The following NR5A2 variants were observed in gnomAD, a reference collection of about 807,000 sequenced individuals.
NR5A2 encodes the protein CYP7A promoter-binding factor.
In NR5A2, 26 loss-of-function variants were observed where a neutral mutation model predicts 62.7. That is an observed-to-expected ratio of 0.41 (90% CI 0.30 to 0.58). The LOEUF is 0.58. Ranked by LOEUF, NR5A2 falls within the 20% of genes least tolerant of loss-of-function variation. The pLI is 0.22. For missense variants in NR5A2, 541 were observed against 669.1 expected, an observed-to-expected ratio of 0.81 and a Z score of 2.11; for synonymous variants, 246 against 241.7, an observed-to-expected ratio of 1.02 and a Z score of -0.16.
chr1:200,119,925 T>A (rs1400301479), intron 6 of NR5A2, among the ~76,000 whole-genome samples: 2 of 152,006 alleles, frequency 1.3e-5, no homozygotes, highest in Non-Finnish European at 1.5e-5. Flanking sequence ...TTTTTTTTTT[T>A]AATGAAAAGG....
chr1:200,120,378 A>G lies in NR5A2; in HGVS notation c.1231-430A>G, dbSNP rs971643911. On this transcript the variant is annotated intron_variant, in intron 6 of 7. Coordinates refer to ENST00000367362, the MANE Select transcript of NR5A2 (RefSeq NM_205860.3). ...CATGAGAGTTAAAATTTTTTATCTT[A>G]TGTGATGATGTAATTTCATAATATA... Among the ~76,000 whole-genome samples the G allele has an allele frequency of 2.2e-4, 34 of 152,158 alleles. 1 individual carries two copies. The highest frequency in any genetic ancestry group is 2.0e-3 in the Admixed American group (31 of 15,288).
chr1:200,139,737 C>T (rs1667368677), intron 7 of NR5A2, among the ~76,000 whole-genome samples: 1 of 152,128 alleles, frequency 6.6e-6, no homozygotes, highest in Non-Finnish European at 1.5e-5. Flanking sequence ...TAGAAAGTTG[C>T]CTCTTGGCAC....
At chr1:200,036,889 G>A (rs1216143758) in intron 1 of NR5A2, among the ~76,000 whole-genome samples, 1 of 152,112 alleles carries the variant, frequency 6.6e-6, no homozygotes, top group Non-Finnish European at 1.5e-5. Flanking sequence ...CAAAGGAAAG[G>A]GCTTCCCTCC....
chr1:200,175,933 A>C lies in NR5A2; in HGVS notation c.*1723A>C, dbSNP rs943252009. The C allele has an allele frequency of 6.6e-6, 1 of 152,582 alleles. No individual in the cohort carries two copies. The highest frequency in any genetic ancestry group is 2.4e-5 in the African/African-American group (1 of 41,446). 9.5% of individuals were successfully genotyped at this position (152,582 alleles called of 1,614,324 possible). On this transcript the variant is annotated 3_prime_UTR_variant, in exon 8 of 8. Coordinates refer to ENST00000367362, the MANE Select transcript of NR5A2 (RefSeq NM_205860.3). Reference sequence around the variant, plus strand: ...TATTTATATTGTATATCATACTTTCAACTGTAGACAATTATGATGCTAATT... The same window carrying C: ...TATTTATATTGTATATCATACTTTCCACTGTAGACAATTATGATGCTAATT...
chr1:200,110,310 CA>C (rs1186991120), intron 5 of NR5A2, among the ~76,000 whole-genome samples: 2 of 152,074 alleles, frequency 1.3e-5, no homozygotes, highest in Non-Finnish European at 2.9e-5. Context: ...CATCACAAAA[CA>C]AAAAGTAAAC....
chr1:200,149,393 G>T (rs1459000170), intron 7 of NR5A2, among the ~76,000 whole-genome samples: 1 of 152,234 alleles, frequency 6.6e-6, no homozygotes, highest in Non-Finnish European at 1.5e-5. Flanking sequence ...TGGCTACCGT[G>T]TAGTTATGCC....
At chr1:200,127,253 G>T (rs1290794317) in intron 7 of NR5A2, among the ~76,000 whole-genome samples, 1 of 152,156 alleles carries the variant, frequency 6.6e-6, no homozygotes, top group African/African-American at 2.4e-5. Flanking sequence ...TAAAAATACT[G>T]TGTAAAGAAG....
Position 200,174,812 on chromosome 1 carries a change from G to T in NR5A2, c.*602G>T, listed in dbSNP as rs2102402000. On this transcript the variant is annotated 3_prime_UTR_variant, in exon 8 of 8. Transcript: ENST00000367362. ...ACCAAATCATGAACAGCCTAATTTTGAGTGTCTGTGTCTTAGACCTGCAAA... is the reference window on the plus strand; with the variant it reads ...ACCAAATCATGAACAGCCTAATTTTTAGTGTCTGTGTCTTAGACCTGCAAA... 6.5e-6 allele frequency: 1 copy of T among 152,726 alleles called. No individual in the cohort carries two copies. The highest frequency in any genetic ancestry group is 1.9e-4 in the East Asian group (1 of 5,184). 9.5% of individuals were successfully genotyped at this position (152,726 alleles called of 1,614,324 possible).
Position 200,174,136 on chromosome 1 carries a change from T to C in NR5A2, c.1552T>C (p.Tyr518His). 2 of 1,613,824 alleles carry C rather than the reference T, an allele frequency of 1.2e-6. No individual in the cohort carries two copies. Among genetic ancestry groups the C allele is most frequent in the Non-Finnish European group, 1.7e-6 (2 of 1,179,966 alleles). Residue 518 changes from tyrosine to histidine, a missense_variant, in exon 8 of 8, where the codon TAC (tyrosine) becomes CAC (histidine). Physicochemically the swap from Tyr to His is moderately conservative, Grantham distance 83. Transcript: ENST00000367362. Reference sequence around the variant, plus strand: ...CAGTATGCAGGCTGAAGAATACCTCTACTACAAGCACCTGAACGGGGATGT... The same window carrying C: ...CAGTATGCAGGCTGAAGAATACCTCCACTACAAGCACCTGAACGGGGATGT... ...AISMQAEEYL[Y>H]YKHLNGDVPY...
chr1:200,049,688 T>C (rs1280471786), intron 5 of NR5A2, among the ~76,000 whole-genome samples: 1 of 152,222 alleles, frequency 6.6e-6, no homozygotes, highest in Non-Finnish European at 1.5e-5. Context: ...CAAGTATATT[T>C]TGTCACAAAA....
intron 5 of NR5A2, among the ~76,000 whole-genome samples, chr1:200,107,597 G>A (rs746922929): frequency 2.0e-5 from 3 of 152,178 alleles, no homozygotes; most frequent in Non-Finnish European, 2.9e-5. Context: ...TTTGAAGTGT[G>A]TCCTCAGCAT....
At chr1:200,119,438 AAG>A (rs368817609) in intron 6 of NR5A2, among the ~76,000 whole-genome samples, 266 of 152,266 alleles carry the variant, frequency 1.7e-3, no homozygotes, top group African/African-American at 6.2e-3. Context: ...ATGCACCTAA[AAG>A]AGTATCTGGT....
intron 5 of NR5A2, among the ~76,000 whole-genome samples, chr1:200,082,148 A>G (rs999538667): frequency 3.9e-5 from 6 of 152,178 alleles, no homozygotes; most frequent in Non-Finnish European, 5.9e-5. Flanking sequence ...AAGAAGCAGT[A>G]TCTATTTGAC....
chr1:200,113,656 G>A (rs1666066838), intron 6 of NR5A2, among the ~76,000 whole-genome samples: 1 of 152,122 alleles, frequency 6.6e-6, no homozygotes, highest in African/African-American at 2.4e-5. Flanking sequence ...AACTAAATGA[G>A]AACTATTGTA....
intron 5 of NR5A2, among the ~76,000 whole-genome samples, chr1:200,055,211 T>G (rs1249916489): frequency 2.0e-5 from 3 of 151,602 alleles, no homozygotes; most frequent in African/African-American, 7.3e-5. Flanking sequence ...TTTTTTTTTT[T>G]TGTGACGGAG....
In NR5A2 at chr1:200,082,519, CG is replaced by C. The variant is rs1558127026; in HGVS notation, c.1111-28682del. ...CAAATTACAAACATATGAGTCAAAC[CG>C]AAAAAAATGTCTTTTGTGTGACTAA... On this transcript the variant is annotated intron_variant, in intron 5 of 7. Coordinates refer to ENST00000367362, the MANE Select transcript of NR5A2 (RefSeq NM_205860.3). Among the ~76,000 whole-genome samples the C allele has an allele frequency of 2.0e-5, 3 of 151,810 alleles. No homozygotes were observed. In the East Asian group the frequency reaches 5.8e-4, roughly 29 times the overall value.
chr1:200,173,246 AAC>A (rs1191633604), intron 7 of NR5A2, among the ~76,000 whole-genome samples: 8 of 152,358 alleles, frequency 5.3e-5, no homozygotes, highest in African/African-American at 1.9e-4. Flanking sequence ...AAAAAAAAGA[AAC>A]ACAGAGTATC....
At chr1:200,155,777 G>T (rs1397937544) in intron 7 of NR5A2, among the ~76,000 whole-genome samples, 1 of 151,886 alleles carries the variant, frequency 6.6e-6, no homozygotes, top group African/African-American at 2.4e-5. Context: ...GGGTTCAAGC[G>T]ATTCTCCTGC....
chr1:200,060,301 C>A (rs1329593433), intron 5 of NR5A2, among the ~76,000 whole-genome samples: 1 of 152,170 alleles, frequency 6.6e-6, no homozygotes, highest in Non-Finnish European at 1.5e-5. Flanking sequence ...GCAAGGAAGG[C>A]AACTCGTTCC....
Sources: gnomAD v4.1 joint callset for allele counts (sites outside exome capture counted in the v4.1 genomes callset) on GRCh38, gnomAD v4.1.1 for gene constraint, MANE v1.5 for transcripts, NCBI Gene and HGNC (gene_info 2026-07-23, HGNC 2026-07-21) for gene names.